RNF152: variants seen among roughly 807,000 people sequenced by gnomAD.
RNF152 encodes the protein ring finger protein 152, also known as E3 ubiquitin-protein ligase RNF152.
In RNF152, 11 loss-of-function variants were observed where a neutral mutation model predicts 12.7. The observed-to-expected ratio is 0.86, with a 90% CI of 0.54 to 1.43. The LOEUF is 1.43. RNF152 is among the 40% of genes most tolerant of loss of function. RNF152 has a pLI of 0.00. For missense variants in RNF152, 255 were observed against 274.8 expected (o/e 0.93, Z 0.51); for synonymous variants, 113 against 120.3 (o/e 0.94, Z 0.40).
rs1912953413 is a variant in RNF152 at position 61,810,989 on chromosome 18, C to T, written c.*4863G>A. ...TCTTTTGTGTATCACTCCTTTTGCA[C>T]CGATAACTTTTGAACTTCTATCTTC... On this transcript the variant is annotated 3_prime_UTR_variant, in exon 2 of 2. Transcript: ENST00000312828. 6.6e-6 allele frequency: 1 copy of T among 151,550 alleles called. No individual in the cohort carries two copies. Among genetic ancestry groups the T allele is most frequent in the African/African-American group, 2.4e-5 (1 of 41,222 alleles). 9.4% of individuals were successfully genotyped at this position (151,550 alleles called of 1,614,324 possible). A position where few individuals can be genotyped will look rare whatever the true frequency, so the allele number is the denominator to read the frequency against.
At chr18:61,863,430 T>C (rs913992766) in intron 1 of RNF152, among the ~76,000 whole-genome samples, 3 of 114,436 alleles carry the variant, frequency 2.6e-5, no homozygotes, top group Non-Finnish European at 5.3e-5. Flanking sequence ...TGAGACTCCG[T>C]CTCAAAAAAA....
At chr18:61,878,146 C>T (rs1194648411) in intron 1 of RNF152, among the ~76,000 whole-genome samples, 1 of 152,178 alleles carries the variant, frequency 6.6e-6, no homozygotes, top group Non-Finnish European at 1.5e-5. Flanking sequence ...AGTCACATGG[C>T]CCCACCTAGG....
chr18:61,842,046 T>C (rs1449757397), intron 1 of RNF152, among the ~76,000 whole-genome samples: 2 of 152,250 alleles, frequency 1.3e-5, no homozygotes, highest in African/African-American at 2.4e-5. Context: ...GGTATCACTT[T>C]AAAGCCAGCA....
intron 1 of RNF152, among the ~76,000 whole-genome samples, chr18:61,828,239 T>A (rs1380689933): frequency 7.2e-6 from 1 of 138,728 alleles, no homozygotes; most frequent in Non-Finnish European, 1.7e-5. Context: ...TTGCGTTTTT[T>A]CTTCCTTCCT....
intron 1 of RNF152, among the ~76,000 whole-genome samples, chr18:61,820,801 C>G (rs530444625): frequency 1.3e-5 from 2 of 152,298 alleles, no homozygotes; most frequent in South Asian, 2.1e-4. Context: ...AGTAGCTCAG[C>G]AGAGTGGGAA....
rs533027007 is a variant in RNF152, at chr18:61,844,122, G to A, written c.-135-27524C>T. ...AGAAAGAAAGAAAGAAAGAAAGAAA[G>A]AAAGAAAGAAAGAAAGAAATTAAGA... On this transcript the variant is annotated intron_variant, in intron 1 of 1. Coordinates refer to ENST00000312828, the MANE Select transcript of RNF152 (RefSeq NM_173557.3). Among the ~76,000 whole-genome samples the A allele has an allele frequency of 3.2e-3, 368 of 113,744 alleles. 2 individuals are homozygous for A. The highest frequency in any genetic ancestry group is 6.1e-3 in the Non-Finnish European group (295 of 48,030). The allele number at this position is 113,744 out of a possible 152,430, so 74.6% of individuals were successfully genotyped here.
intron 1 of RNF152, among the ~76,000 whole-genome samples, chr18:61,826,010 A>G (rs1909648333): frequency 6.6e-6 from 1 of 152,226 alleles, no homozygotes; most frequent in Non-Finnish European, 1.5e-5. Context: ...TCCAGCTTCT[A>G]GGCTTTGCGG....
chr18:61,875,550 T>C (rs1192054484), intron 1 of RNF152, among the ~76,000 whole-genome samples: 1 of 152,088 alleles, frequency 6.6e-6, no homozygotes, highest in Non-Finnish European at 1.5e-5. Context: ...ACATTCATAA[T>C]GACCATCTGG....
chr18:61,849,263 C>T (rs1459415705), intron 1 of RNF152, among the ~76,000 whole-genome samples: 2 of 152,166 alleles, frequency 1.3e-5, no homozygotes, highest in African/African-American at 4.8e-5. Flanking sequence ...AAAACCAAGA[C>T]CCAATCACTA....
In RNF152 at chr18:61,816,502, G is replaced by A. The variant is rs886688218; in HGVS notation, c.-39C>T. Reference sequence around the variant, plus strand: ...CAGGAAGGGCAAGGCCAAGGTGAAGGGGAAGGAGCTGCTTCTCAGAGGCCA... The same window carrying A: ...CAGGAAGGGCAAGGCCAAGGTGAAGAGGAAGGAGCTGCTTCTCAGAGGCCA... On this transcript the variant is annotated 5_prime_UTR_variant, in exon 2 of 2. Coordinates refer to ENST00000312828, the MANE Select transcript of RNF152 (RefSeq NM_173557.3). 1.3e-6 allele frequency: 2 copies of A among 1,562,220 alleles called. No individual in the cohort carries two copies. Among genetic ancestry groups the A allele is most frequent in the Non-Finnish European group, 1.7e-6 (2 of 1,150,554 alleles).
At chr18:61,877,108 A>G (rs573262415) in intron 1 of RNF152, among the ~76,000 whole-genome samples, 2 of 152,388 alleles carry the variant, frequency 1.3e-5, no homozygotes, top group South Asian at 4.1e-4. Context: ...GCTTCCAGCC[A>G]TCGAAAGACT....
At chr18:61,831,189 T>C (rs762287367) in intron 1 of RNF152, among the ~76,000 whole-genome samples, 1 of 152,228 alleles carries the variant, frequency 6.6e-6, no homozygotes, top group African/African-American at 2.4e-5. Context: ...AGCGGTTCTG[T>C]GCACCAGGCT....
At chr18:61,851,297 C>A (rs751108310) in intron 1 of RNF152, among the ~76,000 whole-genome samples, 10 of 152,116 alleles carry the variant, frequency 6.6e-5, no homozygotes, top group Non-Finnish European at 1.2e-4. Context: ...AAGTCCTTCA[C>A]AAGGGTGTCC....
At chr18:61,819,287 G>C (rs1359860452) in intron 1 of RNF152, among the ~76,000 whole-genome samples, 1 of 152,246 alleles carries the variant, frequency 6.6e-6, no homozygotes, top group Non-Finnish European at 1.5e-5. Context: ...GGAGAAATGA[G>C]CTTAGTCAGG....
chr18:61,846,968 T>C (rs1014308791), intron 1 of RNF152, among the ~76,000 whole-genome samples: 12 of 152,292 alleles, frequency 7.9e-5, no homozygotes, highest in African/African-American at 2.9e-4. Context: ...TGCTTCTTCA[T>C]GTGTAACTCA....
At position 61,813,372 on chromosome 18, in the gene RNF152, A is replaced by G. The variant is rs1908912571; in HGVS notation, c.*2480T>C. 6.6e-6 allele frequency: 1 copy of G among 152,064 alleles called. No individual in the cohort carries two copies. Among genetic ancestry groups the G allele is most frequent in the Non-Finnish European group, 1.5e-5 (1 of 68,040 alleles). The allele number at this position is 152,064 out of a possible 1,614,324, so 9.4% of individuals were successfully genotyped here. On this transcript the variant is annotated 3_prime_UTR_variant, in exon 2 of 2. Coordinates refer to ENST00000312828, the MANE Select transcript of RNF152 (RefSeq NM_173557.3). ...TACACAAATAACTGCAAGCAGATCCATTTAAACAATTTAAACAATGTTTCT... is the reference window on the plus strand; with the variant it reads ...TACACAAATAACTGCAAGCAGATCCGTTTAAACAATTTAAACAATGTTTCT...
At chr18:61,892,607 T>C (rs1913012399) in intron 1 of RNF152, among the ~76,000 whole-genome samples, 188 bp downstream of exon 1, 1 of 152,190 alleles carries the variant, frequency 6.6e-6, no homozygotes, top group Admixed American at 6.5e-5. Context: ...CTCCAATGGC[T>C]TCTTCAAAGG....
chr18:61,887,885 G>A (rs1478171274), intron 1 of RNF152, among the ~76,000 whole-genome samples: 1 of 152,122 alleles, frequency 6.6e-6, no homozygotes, highest in Non-Finnish European at 1.5e-5. Context: ...TGCGATAGTG[G>A]CAGGGGAGAG....
At chr18:61,869,255 C>T (rs1319181692) in intron 1 of RNF152, among the ~76,000 whole-genome samples, 3 of 152,178 alleles carry the variant, frequency 2.0e-5, no homozygotes, top group African/African-American at 7.2e-5. Flanking sequence ...TCCACAAAAT[C>T]ACTAGGTGGG....
Sources: allele counts gnomAD v4.1 joint callset (sites outside exome capture counted in the v4.1 genomes callset), GRCh38; gene constraint gnomAD v4.1.1; transcripts MANE v1.5; gene names NCBI Gene and HGNC (gene_info 2026-07-23, HGNC 2026-07-21).